IFFO1: variants seen among roughly 807,000 people sequenced by gnomAD.
The protein encoded by IFFO1 is intermediate filament family orphan 1.
IFFO1 carries 42 observed loss-of-function variants against 59.6 expected under a neutral mutation model. The ratio of observed to expected loss-of-function variants is 0.70; its 90% confidence interval spans 0.55 to 0.91. The LOEUF (loss-of-function observed/expected upper bound fraction) is 0.91, where lower values mean the gene tolerates loss of function less well. IFFO1 is among the 40% of genes least tolerant of loss of function. IFFO1 has a pLI of 0.00. For missense variants in IFFO1, 711 were observed against 793.2 expected (o/e 0.90, Z 1.24); for synonymous variants, 336 against 342.8 (o/e 0.98, Z 0.22).
rs201937142 is a variant in IFFO1, at chr12:6,541,663, C to T, written c.1480-21G>A. The T allele has an allele frequency of 5.6e-6, 9 of 1,613,514 alleles. No individual in the cohort carries two copies. The highest frequency in any genetic ancestry group is 4.5e-5 in the East Asian group (2 of 44,880). Reference sequence around the variant, plus strand: ...TCCAGCTGTGGTGGGGCAGGCAGGGCCATCGGGGTTAACAGGTGGCGTTCA... The same window carrying T: ...TCCAGCTGTGGTGGGGCAGGCAGGGTCATCGGGGTTAACAGGTGGCGTTCA... On this transcript the variant is annotated intron_variant, in intron 8 of 9. Transcript: ENST00000619571. The surrounding 1 kb of genome is among the most constrained non-coding windows in gnomAD (Gnocchi z 4.8).
chr12:6,540,663 G>T, intron 9 of IFFO1, 75 bp from the exon 10 acceptor site: 1 of 1,259,718 alleles, frequency 7.9e-7, no homozygotes, highest in Non-Finnish European at 1.1e-6. Flanking sequence ...TCCTCCTGCT[G>T]CCTCACCCTC....
chr12:6,550,661 C>G, intron 3 of IFFO1, 34 bp downstream of exon 3: 1 of 1,574,402 alleles, frequency 6.4e-7, no homozygotes, highest in South Asian at 1.1e-5. Context: ...AGAAGCCTCA[C>G]TTCGACCCTC....
rs1947428541 is a variant in IFFO1, at chr12:6,555,897, G to A, written c.133C>T (p.Pro45Ser). 1.3e-6 allele frequency: 2 copies of A among 1,564,182 alleles called. No individual in the cohort carries two copies. Among genetic ancestry groups the A allele is most frequent in the Admixed American group, 1.9e-5 (1 of 51,666 alleles). Residue 45 changes from proline (P) to serine (S), a missense_variant, in exon 1 of 10, where the codon CCG becomes TCG. Coordinates refer to ENST00000619571, the MANE Select transcript of IFFO1 (RefSeq NM_001193457.2). The surrounding 1 kb of genome is among the most constrained non-coding windows in gnomAD (Gnocchi z 8.6). The part of the protein sequence containing the change: ...GGDLPPAPLS[P>S]AGPAAYSPPG... Reference sequence around the variant, plus strand: ...GGCGAGTAGGCAGCAGGGCCGGCCGGCGAGAGAGGCGCCGGGGGCAAGTCT... The same window carrying A: ...GGCGAGTAGGCAGCAGGGCCGGCCGACGAGAGAGGCGCCGGGGGCAAGTCT...
intron 8 of IFFO1, among the ~76,000 whole-genome samples, chr12:6,546,406 G>A (rs529904286): frequency 7.2e-5 from 11 of 152,352 alleles, no homozygotes; most frequent in Middle Eastern, 3.4e-3. Context: ...ACCAGGCCAG[G>A]AGAGCTCACG....
rs779182052 is a variant in IFFO1, at chr12:6,540,514, C to T, written c.1685G>A (p.Arg562His). ...CATGGAGCTGTCAGATGAGACATCG[C>T]GATCGGAGTCCTCAGCCTCGCTTGG... ...PPPSEAEDSD[R>H]DVSSDSSMR is the part of the protein sequence containing the mutation. The change falls in exon 10 of 10, where the codon CGC (arginine) becomes CAC (histidine). Residue 562 changes from arginine to histidine, a missense_variant. This residue lies in a region of IFFO1 where 579 missense variants were observed against 650.3 expected (regional missense o/e 0.89). Transcript: ENST00000619571. 3.1e-6 allele frequency: 5 copies of T among 1,614,092 alleles called. No individual in the cohort carries two copies. Among genetic ancestry groups the T allele is most frequent in the East Asian group, 4.5e-5 (2 of 44,884 alleles).
intron 8 of IFFO1, among the ~76,000 whole-genome samples, chr12:6,546,366 A>C (rs1174229597): frequency 6.6e-6 from 1 of 152,228 alleles, no homozygotes; most frequent in Non-Finnish European, 1.5e-5. Flanking sequence ...TGCCTCTCCC[A>C]AAGTCAGAGC....
intron 9 of IFFO1, among the ~76,000 whole-genome samples, chr12:6,540,872 C>G (rs1284877228): frequency 6.6e-6 from 1 of 152,036 alleles, no homozygotes; most frequent in Non-Finnish European, 1.5e-5. Flanking sequence ...GGGTGGATCA[C>G]GACGTCAGGA....
chr12:6,553,307 C>T lies in IFFO1; in HGVS notation c.773+1950G>A, dbSNP rs943508950. ...CTCCTTCCTGTCCTGGACAGCTGGA[C>T]CAAGGACAAACGCTCCTTCAGTTTA... On this transcript the variant is annotated intron_variant, in intron 1 of 9. Transcript: ENST00000619571. Among the ~76,000 whole-genome samples, 3 of 151,888 alleles carry T rather than the reference C, an allele frequency of 2.0e-5. No individual in the cohort carries two copies. The South Asian group carries it at 6.2e-4, about 31-fold the overall frequency.
rs567397044 is a variant in IFFO1, at chr12:6,540,288, C to G, written c.*195G>C. On this transcript the variant is annotated 3_prime_UTR_variant, in exon 10 of 10. Transcript: ENST00000619571. ...GGAAATGGCCCCAGAATGGTAGGGCCAAGCCTAGCTCCAGACACCCCAGAG... is the reference window on the plus strand; with the variant it reads ...GGAAATGGCCCCAGAATGGTAGGGCGAAGCCTAGCTCCAGACACCCCAGAG... 1 of 599,696 alleles carries G rather than the reference C, an allele frequency of 1.7e-6. No homozygotes were observed. The highest frequency in any genetic ancestry group is 2.0e-5 in the South Asian group (1 of 50,780). 37.1% of individuals were successfully genotyped at this position (599,696 alleles called of 1,614,324 possible).
In IFFO1 at chr12:6,555,321, C is replaced by T; in HGVS notation, c.709G>A (p.Glu237Lys). The T allele has an allele frequency of 1.9e-6, 3 of 1,614,196 alleles. No individual in the cohort carries two copies. The highest frequency in any genetic ancestry group is 4.5e-5 in the East Asian group (2 of 44,878). Reference protein sequence around the residue: ...VGVQIDTITPEIRALYNVLAK... With the variant: ...VGVQIDTITPKIRALYNVLAK... ...AGCACGTTGTAGAGAGCGCGGATCT[C>T]GGGCGTGATGGTGTCGATCTGGACG... Residue 237 changes from glutamate to lysine, a missense_variant, in exon 1 of 10, where the codon GAG becomes AAG. Around this residue, in one of 3 missense-constraint regions of IFFO1, gnomAD observed 579 missense variants for 650.3 expected, o/e 0.89. Coordinates refer to ENST00000619571, the MANE Select transcript of IFFO1 (RefSeq NM_001193457.2). The surrounding 1 kb of genome is among the most constrained non-coding windows in gnomAD (Gnocchi z 8.6).
Position 6,549,694 on chromosome 12 carries a change from C to G in IFFO1, c.1071+62G>C. On this transcript the variant is annotated intron_variant, in intron 4 of 9. Coordinates refer to ENST00000619571, the MANE Select transcript of IFFO1 (RefSeq NM_001193457.2). The surrounding 1 kb of genome is among the most constrained non-coding windows in gnomAD (Gnocchi z 5.0). The stretch of plus-strand genomic sequence containing the variant: ...GGCAGGGCCTGCGTTCCAGGCCAGC[C>G]GCCACGGAAGCATCCACCTGCCCCA... 1.3e-6 allele frequency: 2 copies of G among 1,571,108 alleles called. No individual in the cohort carries two copies. The highest frequency in any genetic ancestry group is 1.7e-6 in the Non-Finnish European group (2 of 1,152,116).
downstream of IFFO1, chr12:6,539,226 T>A (rs1304879082): frequency 6.6e-6 from 1 of 152,200 alleles, no homozygotes; most frequent in East Asian, 1.9e-4. Context: ...CCAAGGTGGG[T>A]GTATCACCTG....
chr12:6,553,598 G>T (rs1010900307), intron 1 of IFFO1, among the ~76,000 whole-genome samples: 2 of 150,626 alleles, frequency 1.3e-5, no homozygotes, highest in South Asian at 2.1e-4. Context: ...CCTGGACAAC[G>T]CAAAAAGAAA....
intron 1 of IFFO1, among the ~76,000 whole-genome samples, chr12:6,553,520 G>A (rs1947323252): frequency 1.3e-5 from 2 of 152,052 alleles, no homozygotes; most frequent in Admixed American, 6.6e-5. Flanking sequence ...CCACAACTAA[G>A]GAAGCCAGCA....
chr12:6,542,423 G>A (rs759132355), intron 8 of IFFO1, among the ~76,000 whole-genome samples: 9 of 152,184 alleles, frequency 5.9e-5, no homozygotes, highest in South Asian at 2.1e-4. Context: ...AGGGACAGTC[G>A]ACTGCCTCTC....
rs1946624454 is a variant in IFFO1 at position 6,540,028 on chromosome 12, G to A, written c.*455C>T. 1 of 207,048 alleles carries A rather than the reference G, an allele frequency of 4.8e-6. No individual in the cohort carries two copies. The highest frequency in any genetic ancestry group is 6.1e-5 in the South Asian group (1 of 16,292). 12.8% of individuals were successfully genotyped at this position (207,048 alleles called of 1,614,324 possible). On this transcript the variant is annotated 3_prime_UTR_variant, in exon 10 of 10. Transcript: ENST00000619571. Reference sequence around the variant, plus strand: ...GAAGCCCTCTCCAGCTGCGTGTGCTGCAGAGGCCATGCGTAGCCTCCAGCT... The same window carrying A: ...GAAGCCCTCTCCAGCTGCGTGTGCTACAGAGGCCATGCGTAGCCTCCAGCT...
chr12:6,540,415 C>T lies in IFFO1; in HGVS notation c.*68G>A, dbSNP rs769568366. ...GCTGCAGCTGATGTTCCCCTCTGTG[C>T]AGCCCCACCCTCTGCCTCGCTGAGC... is the stretch of plus-strand genomic sequence containing the variant. On this transcript the variant is annotated 3_prime_UTR_variant, in exon 10 of 10. Coordinates refer to ENST00000619571, the MANE Select transcript of IFFO1 (RefSeq NM_001193457.2). 1.2e-4 allele frequency: 148 copies of T among 1,266,800 alleles called. No individual in the cohort carries two copies. Among genetic ancestry groups the T allele is most frequent in the Non-Finnish European group, 1.1e-4 (97 of 864,924 alleles). 78.5% of individuals were successfully genotyped at this position (1,266,800 alleles called of 1,614,324 possible).
chr12:6,540,437 G>A lies in IFFO1; in HGVS notation c.*46C>T. ...GTGCAGCCCCACCCTCTGCCTCGCTGAGCTCCCTGCTGCGAGGGCCTCGGG... is the reference window on the plus strand; with the variant it reads ...GTGCAGCCCCACCCTCTGCCTCGCTAAGCTCCCTGCTGCGAGGGCCTCGGG... On this transcript the variant is annotated 3_prime_UTR_variant, in exon 10 of 10. Coordinates refer to ENST00000619571, the MANE Select transcript of IFFO1 (RefSeq NM_001193457.2). The A allele has an allele frequency of 3.4e-6, 5 of 1,480,030 alleles. No individual in the cohort carries two copies. Among genetic ancestry groups the A allele is most frequent in the Non-Finnish European group, 4.7e-6 (5 of 1,058,184 alleles). 91.7% of individuals were successfully genotyped at this position (1,480,030 alleles called of 1,614,324 possible).
chr12:6,550,592 A>C, intron 3 of IFFO1, 103 bp downstream of exon 3: 1 of 770,924 alleles, frequency 1.3e-6, no homozygotes, highest in Admixed American at 2.3e-5. Flanking sequence ...AGAGAAGGGG[A>C]GGAGCCGTGG....
Sources: allele counts gnomAD v4.1 joint callset (sites outside exome capture counted in the v4.1 genomes callset), GRCh38; gene constraint gnomAD v4.1.1; regional missense constraint gnomAD v4.1.1; non-coding constraint Gnocchi (gnomAD v3.1); transcripts MANE v1.5; gene names NCBI Gene and HGNC (gene_info 2026-07-23, HGNC 2026-07-21).